The following PAFAH1B1 variants were observed in gnomAD, a reference collection of about 807,000 sequenced individuals.
The protein encoded by PAFAH1B1 is platelet activating factor acetylhydrolase 1b regulatory subunit 1.
Under a neutral mutation model 57.5 loss-of-function variants are expected in PAFAH1B1, and 2 were observed. That is an observed-to-expected ratio of 0.03 (90% CI 0.01 to 0.11). PAFAH1B1 has a LOEUF of 0.11. Among genes scored for constraint, PAFAH1B1 ranks in the 10% least tolerant of loss-of-function variants. The pLI is 1.00. For synonymous variants in PAFAH1B1, 152 were observed against 169.6 expected, an observed-to-expected ratio of 0.90 and a Z score of 0.81; for missense variants, 257 against 512.0, an observed-to-expected ratio of 0.50 and a Z score of 4.81.
At chr17:2,652,385 A>C (rs1298572559) in intron 2 of PAFAH1B1, among the ~76,000 whole-genome samples, 1 of 152,282 alleles carries the variant, frequency 6.6e-6, no homozygotes, top group East Asian at 1.9e-4. Flanking sequence ...ACTGCACTCC[A>C]GCCTGGGCGG....
At chr17:2,652,637 G>T (rs1280235716) in intron 2 of PAFAH1B1, among the ~76,000 whole-genome samples, 1 of 152,184 alleles carries the variant, frequency 6.6e-6, no homozygotes, top group African/African-American at 2.4e-5. Flanking sequence ...TACACTGAAG[G>T]TCTGCACCTG....
intron 1 of PAFAH1B1, among the ~76,000 whole-genome samples, chr17:2,605,593 C>A (rs2068195766): frequency 6.6e-6 from 1 of 152,104 alleles, no homozygotes; most frequent in Non-Finnish European, 1.5e-5. Context: ...TTTTCTGTTC[C>A]TTTTGCTGCT....
In PAFAH1B1 at chr17:2,654,032, C is replaced by T. The variant is rs539017679; in HGVS notation, c.33-11340C>T. ...CCATGTTAGCCAGGATGGTCTCAAT[C>T]TCCTGACCTGGTGATACACCCGCCT... On this transcript the variant is annotated intron_variant, in intron 2 of 10. Coordinates refer to ENST00000397195, the MANE Select transcript of PAFAH1B1 (RefSeq NM_000430.4). Among the ~76,000 whole-genome samples the T allele has an allele frequency of 8.5e-5, 13 of 152,124 alleles. No homozygotes were observed. In the South Asian group the frequency reaches 2.7e-3, roughly 32 times the overall value.
chr17:2,616,221 G>C (rs1265128081), intron 1 of PAFAH1B1, among the ~76,000 whole-genome samples: 1 of 152,132 alleles, frequency 6.6e-6, no homozygotes, highest in African/African-American at 2.4e-5. Context: ...TATTCATTCT[G>C]GTAGAGTTTA....
At chr17:2,604,224 G>A (rs2068178824) in intron 1 of PAFAH1B1, among the ~76,000 whole-genome samples, 1 of 151,678 alleles carries the variant, frequency 6.6e-6, no homozygotes, top group South Asian at 2.1e-4. Context: ...TTTTAGTAGA[G>A]ATGGAGTTTC....
chr17:2,625,036 T>C (rs900060929), intron 1 of PAFAH1B1, among the ~76,000 whole-genome samples: 1 of 151,920 alleles, frequency 6.6e-6, no homozygotes, highest in Non-Finnish European at 1.5e-5. Flanking sequence ...TTTTTTTTTT[T>C]AACTCTTCCA....
At chr17:2,642,600 A>G (rs2068710875) in intron 2 of PAFAH1B1, among the ~76,000 whole-genome samples, 1 of 152,182 alleles carries the variant, frequency 6.6e-6, no homozygotes, top group Non-Finnish European at 1.5e-5. Flanking sequence ...AGCATTTCAG[A>G]TAAGAGCTAC....
chr17:2,602,498 A>G (rs2068155774), intron 1 of PAFAH1B1, among the ~76,000 whole-genome samples: 1 of 152,038 alleles, frequency 6.6e-6, no homozygotes, highest in African/African-American at 2.4e-5. Context: ...TGTCTTGCCA[A>G]TTTTACCTCC....
chr17:2,672,646 G>A lies in PAFAH1B1; in HGVS notation c.569-9G>A, dbSNP rs2069199944. The stretch of plus-strand genomic sequence containing the variant: ...TTACTTCATAATATATTGCTGTTAT[G>A]TGTTTTAGGCCATGACCACAATGTT... On this transcript the variant is annotated splice_polypyrimidine_tract_variant and intron_variant, in intron 6 of 10. Coordinates refer to ENST00000397195, the MANE Select transcript of PAFAH1B1 (RefSeq NM_000430.4). 1.3e-6 allele frequency: 2 copies of A among 1,555,630 alleles called. No homozygotes were observed. Among genetic ancestry groups the A allele is most frequent in the Non-Finnish European group, 1.8e-6 (2 of 1,126,834 alleles).
chr17:2,641,976 G>A (rs921510746), intron 2 of PAFAH1B1: 2 of 152,022 alleles, frequency 1.3e-5, no homozygotes, highest in Admixed American at 6.6e-5. Context: ...AACATCTCTG[G>A]CTTCCACCCA....
chr17:2,675,428 G>A (rs1031274783), intron 8 of PAFAH1B1, among the ~76,000 whole-genome samples: 2 of 152,112 alleles, frequency 1.3e-5, no homozygotes, highest in African/African-American at 4.8e-5. Context: ...ATCTTCTCTT[G>A]TGAGTTCTCT....
chr17:2,594,118 A>C (rs1465162265), intron 1 of PAFAH1B1, 112 bp downstream of exon 1: 49 of 368,958 alleles, frequency 1.3e-4, no homozygotes, highest in Middle Eastern at 1.4e-3. Context: ...CCTCCCTCCC[A>C]TTCTCCCCTC....
chr17:2,632,805 A>T (rs1438143739), intron 1 of PAFAH1B1, among the ~76,000 whole-genome samples: 4 of 152,152 alleles, frequency 2.6e-5, no homozygotes, highest in Admixed American at 6.6e-5. Context: ...ATCCTACACC[A>T]TTTTTTATCA....
intron 1 of PAFAH1B1, among the ~76,000 whole-genome samples, chr17:2,600,817 C>T (rs1007670497): frequency 1.3e-5 from 2 of 151,970 alleles, no homozygotes; most frequent in African/African-American, 4.8e-5. Context: ...GCAACCTCCG[C>T]CTCCTGGGTT....
chr17:2,609,217 T>TG (rs2068238665), intron 1 of PAFAH1B1, among the ~76,000 whole-genome samples: 1 of 152,160 alleles, frequency 6.6e-6, no homozygotes, highest in African/African-American at 2.4e-5. Context: ...ACTCTGGTGC[T>TG]GGGGCTGGTC....
intron 1 of PAFAH1B1, among the ~76,000 whole-genome samples, chr17:2,623,345 G>A (rs948937160): frequency 6.2e-5 from 8 of 129,110 alleles, no homozygotes; most frequent in East Asian, 5.1e-4. Context: ...TCTTGGCTCC[G>A]CCTCCTGGAT....
At chr17:2,647,664 C>G (rs1202862778) in intron 2 of PAFAH1B1, among the ~76,000 whole-genome samples, 1 of 152,176 alleles carries the variant, frequency 6.6e-6, no homozygotes, top group East Asian at 1.9e-4. Flanking sequence ...TATTCATCCA[C>G]TCTCATGCTG....
At chr17:2,666,662 C>G (rs1219483432) in intron 4 of PAFAH1B1, among the ~76,000 whole-genome samples, 7 of 151,998 alleles carry the variant, frequency 4.6e-5, no homozygotes, top group Non-Finnish European at 1.0e-4. Context: ...CTAAGAGTAG[C>G]AGCCTTAGAG....
intron 2 of PAFAH1B1, among the ~76,000 whole-genome samples, chr17:2,664,897 CAA>C (rs1048734527): frequency 1.3e-5 from 2 of 152,094 alleles, no homozygotes; most frequent in East Asian, 1.9e-4. Flanking sequence ...TCCAATGGTT[CAA>C]AGTTATTTCT....
Sources: gnomAD v4.1 joint callset for allele counts (sites outside exome capture counted in the v4.1 genomes callset) on GRCh38, gnomAD v4.1.1 for gene constraint, MANE v1.5 for transcripts, NCBI Gene and HGNC (gene_info 2026-07-23, HGNC 2026-07-21) for gene names.